DST: variants seen among roughly 807,000 people sequenced by gnomAD.
The protein encoded by DST is bullous pemphigoid antigen.
DST carries 253 observed loss-of-function variants against 875.2 expected under a neutral mutation model. That is an observed-to-expected ratio of 0.29 (90% CI 0.26 to 0.32). The LOEUF (loss-of-function observed/expected upper bound fraction) is 0.32, where lower values mean the gene tolerates loss of function less well. DST is among the 10% of genes least tolerant of loss of function. The pLI, the probability that DST is intolerant of heterozygous loss-of-function variation, is 1.00. For synonymous variants in DST, 3,124 were observed against 3,197.1 expected, an observed-to-expected ratio of 0.98 and a Z score of 0.77; for missense variants, 8,287 against 9,111.6, an observed-to-expected ratio of 0.91 and a Z score of 3.68.
chr6:56,535,276 G>A lies in DST; in HGVS notation c.16787C>T (p.Ala5596Val), dbSNP rs1330371647. ...GTGCAGCAAGGCCTCCTGCAGCTGG[G>A]CTGCTCGCTGAGCCACCTGCAAAGT... ...TLNKKVAQRAAQLQEALLHCG... is the reference protein window; with the variant it reads ...TLNKKVAQRAVQLQEALLHCG... The change falls in exon 63 of 104, where the codon GCC (alanine) becomes GTC (valine). Residue 5596 changes from alanine (A) to valine (V), a missense_variant. Ala to Val is a moderately conservative substitution (Grantham distance 64). Coordinates refer to ENST00000680361, the MANE Select transcript of DST (RefSeq NM_001374736.1). The A allele has an allele frequency of 5.1e-6, 8 of 1,576,436 alleles. No homozygotes were observed. The highest frequency in any genetic ancestry group is 6.0e-6 in the Non-Finnish European group (7 of 1,168,776).
intron 4 of DST, among the ~76,000 whole-genome samples, chr6:56,740,501 C>T (rs1254806251): frequency 1.3e-5 from 2 of 152,154 alleles, no homozygotes; most frequent in Non-Finnish European, 2.9e-5. Context: ...AAAACAGAAG[C>T]CAGCCATGTG....
chr6:56,605,550 T>C lies in DST; in HGVS notation c.9078A>G (p.Gln3026=). 1 of 1,613,158 alleles carries C rather than the reference T, an allele frequency of 6.2e-7. No individual in the cohort carries two copies. The highest frequency in any genetic ancestry group is 8.5e-7 in the Non-Finnish European group (1 of 1,179,376). The change falls in exon 40 of 104, where the codon CAA becomes CAG. Residue 3026 remains glutamine (Q), a synonymous_variant. Transcript: ENST00000680361. ...CTTTAATGAGATCGCTTCCATTTCC[T>C]TGAGGATCTTTGTCAGTTACAGAGG... ...LIASVTDKDP[Q]GNGSDLIKGR... is the part of the protein sequence containing the mutation.
At position 56,882,054 on chromosome 6, in the gene DST, C is replaced by G. The variant is rs558522870; in HGVS notation, c.417+18367G>C. ...TGTATAATTTTTGCCCTTCTGAACT[C>G]CTGGGACAAACGTTTATGCTCAATA... On this transcript the variant is annotated intron_variant, in intron 3 of 103. Transcript: ENST00000680361. Among the ~76,000 whole-genome samples, 285 of 152,254 alleles carry G rather than the reference C, an allele frequency of 1.9e-3. 2 individuals carry two copies. The highest frequency in any genetic ancestry group is 6.5e-3 in the African/African-American group (271 of 41,534).
chr6:56,503,615 A>ACACACACACC (rs1161735453), intron 78 of DST, among the ~76,000 whole-genome samples: 1 of 151,484 alleles, frequency 6.6e-6, no homozygotes, highest in East Asian at 1.9e-4. Context: ...ACACACACAC[A>ACACACACACC]CACACACACA....
chr6:56,800,686 GCAA>G (rs1414233518), intron 4 of DST, among the ~76,000 whole-genome samples: 1 of 152,018 alleles, frequency 6.6e-6, no homozygotes, highest in Non-Finnish European at 1.5e-5. Flanking sequence ...CATGTATATA[GCAA>G]CAACCTGATA....
intron 49 of DST, among the ~76,000 whole-genome samples, chr6:56,584,170 A>T (rs1435654748): frequency 3.3e-5 from 5 of 152,090 alleles, no homozygotes; most frequent in Non-Finnish European, 7.4e-5. Flanking sequence ...CTGAATCTAT[A>T]AATTATCTTG....
chr6:56,873,334 T>A (rs2127615967), intron 3 of DST, among the ~76,000 whole-genome samples: 1 of 152,334 alleles, frequency 6.6e-6, no homozygotes, highest in Admixed American at 6.5e-5. Flanking sequence ...TGAAGCTTTT[T>A]AGCTTGATGT....
Position 56,511,340 on chromosome 6 carries a change from G to T in DST, c.18637C>A (p.Pro6213Thr). The change falls in exon 73 of 104, where the codon CCA becomes ACA. Residue 6213 changes from proline to threonine, a missense_variant. Transcript: ENST00000680361. ...CCAGGGCTCAATTCCAGTAACTGTGGCCCAGTTTTGTTCATCTTATCTATA... is the reference window on the plus strand; with the variant it reads ...CCAGGGCTCAATTCCAGTAACTGTGTCCCAGTTTTGTTCATCTTATCTATA... ...PHIDKMNKTG[P>T]QLLELSPGEG... 1 of 1,608,274 alleles carries T rather than the reference G, an allele frequency of 6.2e-7. No individual in the cohort carries two copies. The highest frequency in any genetic ancestry group is 2.2e-5 in the East Asian group (1 of 44,722).
intron 4 of DST, among the ~76,000 whole-genome samples, chr6:56,794,187 A>G (rs1034447462): frequency 1.3e-5 from 2 of 152,238 alleles, no homozygotes; most frequent in African/African-American, 2.4e-5. Context: ...CATTATACAC[A>G]CCAAGTATTT....
At chr6:56,527,859 A>G (rs2096829516) in intron 67 of DST, 125 bp from the exon 68 acceptor site, 3 of 1,009,994 alleles carry the variant, frequency 3.0e-6, no homozygotes, top group Admixed American at 6.6e-5. Flanking sequence ...TCTAAAGATA[A>G]TCTTACTCAA....
chr6:56,640,696 AATG>A, intron 17 of DST, 91 bp from the exon 18 acceptor site: 1 of 1,024,106 alleles, frequency 9.8e-7, no homozygotes, highest in South Asian at 1.3e-5. Context: ...TTTAGTTAAT[AATG>A]ATGTATCAAT....
At chr6:56,585,772 C>A (rs1453872275) in intron 49 of DST, among the ~76,000 whole-genome samples, 2 of 151,668 alleles carry the variant, frequency 1.3e-5, no homozygotes, top group Non-Finnish European at 2.9e-5. Context: ...TTGAATGTGT[C>A]CCAGAGATTC....
intron 4 of DST, among the ~76,000 whole-genome samples, chr6:56,822,858 C>T (rs566027962): frequency 6.0e-5 from 9 of 150,662 alleles, no homozygotes; most frequent in Non-Finnish European, 1.2e-4. Flanking sequence ...GAAGGAGTCT[C>T]GTTCTGTCAC....
At chr6:56,524,995 A>G (rs34880503) in intron 69 of DST, among the ~76,000 whole-genome samples, 12,109 of 152,142 alleles carry the variant, frequency 0.08, 623 homozygotes, top group Middle Eastern at 0.15. Context: ...ATGCCTTTGG[A>G]AAACATACGC....
chr6:56,675,649 C>G (rs1330882103), intron 9 of DST, among the ~76,000 whole-genome samples: 1 of 152,138 alleles, frequency 6.6e-6, no homozygotes, highest in Non-Finnish European at 1.5e-5. Context: ...GTCAGGAGAT[C>G]GAGACCATTC....
intron 55 of DST, among the ~76,000 whole-genome samples, chr6:56,564,869 G>A (rs78762785): frequency 2.0e-5 from 3 of 152,254 alleles, no homozygotes; most frequent in Middle Eastern, 3.4e-3. Flanking sequence ...GATGGATTAC[G>A]TTTATTGATT....
At chr6:56,539,867 T>C (rs2097094388) in intron 61 of DST, among the ~76,000 whole-genome samples, 1 of 152,204 alleles carries the variant, frequency 6.6e-6, no homozygotes. Context: ...GCCATAACAA[T>C]ATAATACTGT....
chr6:56,902,047 T>C (rs1467547682), intron 2 of DST, among the ~76,000 whole-genome samples: 1 of 152,150 alleles, frequency 6.6e-6, no homozygotes, highest in Non-Finnish European at 1.5e-5. Context: ...TTGGCTTAGT[T>C]GAGTGGGTGG....
chr6:56,756,384 A>G (rs2099603408), intron 4 of DST, among the ~76,000 whole-genome samples: 1 of 152,150 alleles, frequency 6.6e-6, no homozygotes. Flanking sequence ...ACTAGTGGAA[A>G]GCCAAGGGGA....
Sources: gnomAD v4.1 joint callset for allele counts (sites outside exome capture counted in the v4.1 genomes callset) on GRCh38, gnomAD v4.1.1 for gene constraint, MANE v1.5 for transcripts, NCBI Gene and HGNC (gene_info 2026-07-23, HGNC 2026-07-21) for gene names.